The following SPAG16 variants were observed in gnomAD, a reference collection of about 807,000 sequenced individuals.
SPAG16 encodes the protein sperm associated antigen 16.
A neutral mutation model predicts 80.4 loss-of-function variants in SPAG16; 86 were observed. The ratio of observed to expected loss-of-function variants is 1.07; its 90% confidence interval spans 0.90 to 1.28. The LOEUF is 1.28. SPAG16 is among the 50% of genes most tolerant of loss of function. The probability of loss-of-function intolerance (pLI) is 0.00; values close to 1 mark genes in which losing one functional copy is unlikely to be tolerated. For missense variants in SPAG16, 870 were observed against 765.3 expected (o/e 1.14, Z -1.61); for synonymous variants, 294 against 265.9 (o/e 1.11, Z -1.03).
chr2:213,858,067 A>G (rs2075254395), intron 10 of SPAG16, among the ~76,000 whole-genome samples: 1 of 152,244 alleles, frequency 6.6e-6, no homozygotes, highest in African/African-American at 2.4e-5. Flanking sequence ...GAGCAAAGAA[A>G]GTAGTTTCTT....
chr2:213,788,030 C>T (rs1231834563), intron 10 of SPAG16, among the ~76,000 whole-genome samples: 3 of 151,908 alleles, frequency 2.0e-5, no homozygotes. Flanking sequence ...ACAATTGGCA[C>T]TCTTAGGCAC....
chr2:213,979,679 G>A (rs1559652243), intron 12 of SPAG16, among the ~76,000 whole-genome samples: 1 of 152,166 alleles, frequency 6.6e-6, no homozygotes, highest in East Asian at 1.9e-4. Context: ...CTTGACACGT[G>A]GGGATAATGG....
intron 13 of SPAG16, among the ~76,000 whole-genome samples, chr2:214,103,489 G>T (rs1308987728): frequency 6.6e-6 from 1 of 152,178 alleles, no homozygotes; most frequent in African/African-American, 2.4e-5. Flanking sequence ...TAAGAGAGAC[G>T]TCAGGAAATT....
At chr2:213,633,378 T>A (rs2062229988) in intron 10 of SPAG16, among the ~76,000 whole-genome samples, 2 of 152,212 alleles carry the variant, frequency 1.3e-5, no homozygotes, top group African/African-American at 4.8e-5. Flanking sequence ...ACCATTGTGG[T>A]CAGAGAAGAT....
intron 15 of SPAG16, among the ~76,000 whole-genome samples, chr2:214,268,744 G>GGTGT (rs56365941): frequency 2.6e-3 from 389 of 150,116 alleles, no homozygotes; most frequent in Middle Eastern, 0.014. Flanking sequence ...GCATCTGAAG[G>GGTGT]GTGTGTGTGT....
intron 10 of SPAG16, among the ~76,000 whole-genome samples, chr2:213,556,244 C>A: frequency 8.3e-6 from 1 of 120,862 alleles, no homozygotes. Context: ...TAATGATCCT[C>A]AATATAAATG....
At chr2:213,674,945 C>T (rs1171926257) in intron 10 of SPAG16, among the ~76,000 whole-genome samples, 7 of 149,944 alleles carry the variant, frequency 4.7e-5, no homozygotes, top group Non-Finnish European at 5.9e-5. Flanking sequence ...TTCTAGATCC[C>T]TGAGGAATCA....
intron 15 of SPAG16, among the ~76,000 whole-genome samples, chr2:214,156,928 G>C (rs1484043873): frequency 1.3e-5 from 2 of 152,180 alleles, no homozygotes; most frequent in Non-Finnish European, 2.9e-5. Flanking sequence ...ACCACATCTG[G>C]ACACAGAGCT....
intron 13 of SPAG16, among the ~76,000 whole-genome samples, chr2:214,089,855 T>C (rs1423294384): frequency 6.6e-6 from 1 of 152,034 alleles, no homozygotes; most frequent in African/African-American, 2.4e-5. Context: ...TTACCATATT[T>C]TATTGATATA....
At chr2:214,253,090 G>GTC (rs1034621056) in intron 15 of SPAG16, among the ~76,000 whole-genome samples, 1 of 12,684 alleles carries the variant, frequency 7.9e-5, no homozygotes, top group Non-Finnish European at 1.7e-4. Flanking sequence ...CTGCATAAAT[G>GTC]TCTTTTTTTT....
chr2:213,740,154 T>C (rs2067479665), intron 10 of SPAG16, among the ~76,000 whole-genome samples: 2 of 152,184 alleles, frequency 1.3e-5, no homozygotes, highest in South Asian at 4.1e-4. Context: ...AAATTTAATA[T>C]CATGTTACAT....
chr2:214,294,124 G>T (rs1178564895), intron 15 of SPAG16, among the ~76,000 whole-genome samples: 2 of 152,228 alleles, frequency 1.3e-5, no homozygotes, highest in African/African-American at 4.8e-5. Context: ...AGGCTGAGAA[G>T]ACTGTGAAAC....
intron 13 of SPAG16, among the ~76,000 whole-genome samples, chr2:214,034,651 G>C (rs921622418): frequency 6.6e-6 from 1 of 152,234 alleles, no homozygotes; most frequent in African/African-American, 2.4e-5. Flanking sequence ...CTGGCTCCCT[G>C]TGAGGCTGCA....
At chr2:214,160,954 T>A (rs2056411140) in intron 15 of SPAG16, among the ~76,000 whole-genome samples, 1 of 152,076 alleles carries the variant, frequency 6.6e-6, no homozygotes, top group Non-Finnish European at 1.5e-5. Flanking sequence ...CAAACAGAAG[T>A]TTACTGATTT....
At chr2:214,385,433 G>A (rs1488034562) in intron 15 of SPAG16, among the ~76,000 whole-genome samples, 2 of 152,212 alleles carry the variant, frequency 1.3e-5, no homozygotes, top group African/African-American at 2.4e-5. Context: ...CTGAGTCACA[G>A]AGGGCTAAAT....
chr2:213,625,120 T>C (rs2061917396), intron 10 of SPAG16, among the ~76,000 whole-genome samples: 2 of 152,154 alleles, frequency 1.3e-5, no homozygotes, highest in South Asian at 4.1e-4. Context: ...AATGGAGTGA[T>C]AATACTATAA....
chr2:213,669,307 C>A (rs1343073045), intron 10 of SPAG16, among the ~76,000 whole-genome samples: 1 of 152,118 alleles, frequency 6.6e-6, no homozygotes, highest in East Asian at 1.9e-4. Context: ...AGAGTTTGAG[C>A]CTTGGGATAG....
intron 9 of SPAG16, among the ~76,000 whole-genome samples, chr2:213,480,833 G>C (rs1166506631): frequency 6.6e-6 from 1 of 152,136 alleles, no homozygotes; most frequent in African/African-American, 2.4e-5. Flanking sequence ...CATATAACAT[G>C]TAACTGACCC....
chr2:213,660,168 A>G (rs1168653237), intron 10 of SPAG16, among the ~76,000 whole-genome samples: 2 of 152,198 alleles, frequency 1.3e-5, no homozygotes, highest in East Asian at 1.9e-4. Flanking sequence ...TGTGCAAGCA[A>G]TGGATAGTTA....
Sources: gnomAD v4.1 joint callset for allele counts (sites outside exome capture counted in the v4.1 genomes callset) on GRCh38, gnomAD v4.1.1 for gene constraint, MANE v1.5 for transcripts, NCBI Gene and HGNC (gene_info 2026-07-23, HGNC 2026-07-21) for gene names.